Variants in MDGA2 observed in about 807,000 individuals in gnomAD.
MDGA2 encodes MAM domain-containing glycosylphosphatidylinositol anchor protein 2.
Under a neutral mutation model 117.8 loss-of-function variants are expected in MDGA2, and 40 were observed. The ratio of observed to expected loss-of-function variants is 0.34; its 90% CI spans 0.26 to 0.44. The LOEUF is 0.44. Among genes scored for constraint, MDGA2 ranks in the 20% least tolerant of loss-of-function variants. The probability of loss-of-function intolerance (pLI) is 1.00; values close to 1 mark genes in which losing one functional copy is unlikely to be tolerated. For synonymous variants in MDGA2, 452 were observed against 439.0 expected (o/e 1.03, Z -0.37); for missense variants, 1,123 against 1,250.6 (o/e 0.90, Z 1.54).
chr14:47,338,522 T>C (rs929005619), intron 1 of MDGA2, among the ~76,000 whole-genome samples: 13 of 152,028 alleles, frequency 8.6e-5, no homozygotes, highest in African/African-American at 2.9e-4. Context: ...AGCTGTATGT[T>C]TGGAATCATA....
rs4900746 is a variant in MDGA2, at chr14:47,396,546, C to G, written c.281-94996G>C. Reference sequence around the variant, plus strand: ...CAAAAGAAACTATCATCAGAGTGAACAGGCAACCTACAGAATGGGAGAAAA... The same window carrying G: ...CAAAAGAAACTATCATCAGAGTGAAGAGGCAACCTACAGAATGGGAGAAAA... On this transcript the variant is annotated intron_variant, in intron 1 of 16. Coordinates refer to ENST00000399232, the MANE Select transcript of MDGA2 (RefSeq NM_001113498.3). Among the ~76,000 whole-genome samples, 6 of 151,976 alleles carry G rather than the reference C, an allele frequency of 3.9e-5. 1 individual carries two copies. In the South Asian group the frequency reaches 1.2e-3, roughly 32 times the overall value.
chr14:46,921,527 A>T (rs1309027080), intron 9 of MDGA2, among the ~76,000 whole-genome samples: 1 of 151,148 alleles, frequency 6.6e-6, no homozygotes, highest in Admixed American at 6.6e-5. Flanking sequence ...CTGTGGTGGG[A>T]GGATCACCTG....
At chr14:47,506,643 T>C (rs943798235) in intron 1 of MDGA2, among the ~76,000 whole-genome samples, 4 of 152,188 alleles carry the variant, frequency 2.6e-5, no homozygotes, top group African/African-American at 7.2e-5. Flanking sequence ...GCCAAACAGG[T>C]GGCTATTGAA....
chr14:47,268,281 G>A (rs1298918172), intron 2 of MDGA2, among the ~76,000 whole-genome samples: 3 of 151,926 alleles, frequency 2.0e-5, no homozygotes, highest in South Asian at 4.2e-4. Flanking sequence ...CACCATGTTG[G>A]CCAGGATGGT....
intron 7 of MDGA2, 92 bp from the exon 8 acceptor site, chr14:47,035,396 G>T: frequency 2.9e-6 from 3 of 1,029,024 alleles, no homozygotes; most frequent in South Asian, 3.2e-5. Context: ...AATTTCTGCT[G>T]GCTGAAGAAA....
chr14:46,996,510 C>T (rs1228884435), intron 8 of MDGA2: 1 of 152,208 alleles, frequency 6.6e-6, no homozygotes, highest in Non-Finnish European at 1.5e-5. Flanking sequence ...AATCAAGAGC[C>T]CAAGCCCAGA....
intron 8 of MDGA2, among the ~76,000 whole-genome samples, chr14:47,002,160 T>C (rs1418147177): frequency 6.6e-6 from 1 of 151,946 alleles, no homozygotes; most frequent in Non-Finnish European, 1.5e-5. Flanking sequence ...TATAAAACAA[T>C]GTAAATTTCA....
At chr14:47,246,456 C>T (rs1453696828) in intron 2 of MDGA2, among the ~76,000 whole-genome samples, 1 of 151,794 alleles carries the variant, frequency 6.6e-6, no homozygotes, top group Non-Finnish European at 1.5e-5. Flanking sequence ...TCCTTTCAGG[C>T]AACTCAAAAT....
chr14:47,192,135 A>C (rs1885135807), intron 3 of MDGA2, among the ~76,000 whole-genome samples: 1 of 152,204 alleles, frequency 6.6e-6, no homozygotes, highest in Non-Finnish European at 1.5e-5. Flanking sequence ...CAGTGGAGAT[A>C]AGTGTGAGAT....
intron 7 of MDGA2, among the ~76,000 whole-genome samples, chr14:47,051,307 T>C (rs185116493): frequency 1.8e-4 from 28 of 152,040 alleles, no homozygotes; most frequent in African/African-American, 4.8e-4. Context: ...GGTTATCTTT[T>C]AAAATTGTTT....
At chr14:47,665,262 G>T (rs548143851) in intron 1 of MDGA2, among the ~76,000 whole-genome samples, 1 of 152,056 alleles carries the variant, frequency 6.6e-6, no homozygotes, top group African/African-American at 2.4e-5. Flanking sequence ...TCTTCTTCTA[G>T]ATACACACAT....
At chr14:47,451,694 C>T (rs918914375) in intron 1 of MDGA2, among the ~76,000 whole-genome samples, 2 of 152,210 alleles carry the variant, frequency 1.3e-5, no homozygotes, top group East Asian at 3.9e-4. Flanking sequence ...ACAGTGAATA[C>T]ATTAGGCAGC....
intron 1 of MDGA2, among the ~76,000 whole-genome samples, chr14:47,537,238 T>C (rs1895232235): frequency 7.4e-6 from 1 of 134,666 alleles, no homozygotes; most frequent in African/African-American, 2.9e-5. Context: ...TTCTCACTCA[T>C]AGGTGGGAAT....
intron 1 of MDGA2, among the ~76,000 whole-genome samples, chr14:47,561,141 G>GTTTGTTTTTTTTTTTTTTTTT (rs1555332241): frequency 1.7e-4 from 9 of 52,140 alleles, no homozygotes; most frequent in Middle Eastern, 7.1e-3. Flanking sequence ...CTCTATCTTT[G>GTTTGTTTTTTTTTTTTTTTTT]TTTTTTTTTT....
intron 3 of MDGA2, among the ~76,000 whole-genome samples, chr14:47,179,878 G>A (rs1300968146): frequency 2.0e-5 from 3 of 151,650 alleles, no homozygotes; most frequent in Non-Finnish European, 2.9e-5. Context: ...AACTAAATTT[G>A]GATATTTCCC....
At chr14:47,578,041 G>A (rs1161716719) in intron 1 of MDGA2, among the ~76,000 whole-genome samples, 1 of 152,098 alleles carries the variant, frequency 6.6e-6, no homozygotes, top group Non-Finnish European at 1.5e-5. Flanking sequence ...ATGATAGACT[G>A]GATAAAGAAA....
intron 1 of MDGA2, among the ~76,000 whole-genome samples, chr14:47,339,227 C>T (rs996418815): frequency 2.0e-5 from 3 of 151,996 alleles, no homozygotes; most frequent in African/African-American, 7.3e-5. Flanking sequence ...AAATGAAACA[C>T]TATTTTTTGC....
At chr14:47,550,039 G>A (rs1379131105) in intron 1 of MDGA2, among the ~76,000 whole-genome samples, 1 of 152,080 alleles carries the variant, frequency 6.6e-6, no homozygotes, top group Non-Finnish European at 1.5e-5. Context: ...CTTGTGAATT[G>A]TTAGCATACT....
At chr14:46,895,945 G>A (rs576537539) in intron 10 of MDGA2, among the ~76,000 whole-genome samples, 8 of 152,082 alleles carry the variant, frequency 5.3e-5, no homozygotes, top group African/African-American at 1.4e-4. Context: ...TCCATAGTAC[G>A]TATTGCTACT....
Sources: gnomAD v4.1 joint callset for allele counts (sites outside exome capture counted in the v4.1 genomes callset) on GRCh38, gnomAD v4.1.1 for gene constraint, MANE v1.5 for transcripts, NCBI Gene and HGNC (gene_info 2026-07-23, HGNC 2026-07-21) for gene names.